Variants in ZNF582 observed in about 807,000 individuals in gnomAD.
ZNF582 encodes zinc finger protein 582.
A neutral mutation model predicts 12.3 loss-of-function variants in ZNF582; 14 were observed. That is an observed-to-expected ratio of 1.14 (90% confidence interval 0.75 to 1.78). The LOEUF is 1.78. Ranked by LOEUF, ZNF582 falls within the 40% of genes most tolerant of loss-of-function variation. The pLI, the probability that ZNF582 is intolerant of heterozygous loss-of-function variation, is 0.00. For missense variants in ZNF582, 567 were observed against 616.5 expected (o/e 0.92, Z 0.85); for synonymous variants, 210 against 207.2 (o/e 1.01, Z -0.11).
chr19:56,386,214 G>A (rs1055847578), intron 4 of ZNF582: 2 of 152,218 alleles, frequency 1.3e-5, no homozygotes, highest in Non-Finnish European at 2.9e-5. Flanking sequence ...GAATGAACCA[G>A]AGGAATATGC....
At chr19:56,390,572 G>A in intron 2 of ZNF582, 71 bp from the exon 3 acceptor site, 1 of 1,566,718 alleles carries the variant, frequency 6.4e-7, no homozygotes, top group Non-Finnish European at 8.7e-7. Context: ...AGATGGGGCA[G>A]GTCTTTGCGG....
chr19:56,392,171 A>G (rs1342591895), intron 1 of ZNF582, among the ~76,000 whole-genome samples: 2 of 152,234 alleles, frequency 1.3e-5, no homozygotes, highest in Non-Finnish European at 2.9e-5. Context: ...GGGAGCATAG[A>G]AGGCCTGCAT....
At chr19:56,384,051 A>T in exon 5 of ZNF582, 1 of 1,611,666 alleles carries the variant, frequency 6.2e-7, no homozygotes, top group Non-Finnish European at 8.5e-7. Context: ...GTCTTCTCAC[A>T]TTCCTTATAT....
At position 56,390,063 on chromosome 19, in the gene ZNF582, AAGG is replaced by A. The variant is rs759853852; in HGVS notation, c.167_169del (p.Ser56del). On this transcript the variant is annotated inframe_deletion, in exon 4 of 5. Coordinates refer to ENST00000586929, the Ensembl canonical transcript of ZNF582. ...CCAGGGCTCTTTGCCTTGCTCTAGG[AAGG>A]AGATCACATCAGGTTTGGAAACGGC... 2.5e-6 allele frequency: 4 copies of A among 1,613,768 alleles called. No homozygotes were observed. In the East Asian group the frequency reaches 8.9e-5, roughly 36 times the overall value.
intron 3 of ZNF582, 92 bp from the exon 4 acceptor site, chr19:56,390,188 G>T: frequency 7.3e-7 from 1 of 1,370,534 alleles, no homozygotes. Flanking sequence ...AGAGGCAGTT[G>T]CAGGAAGTGC....
exon 5 of ZNF582, chr19:56,384,247 A>C (rs1160447855): frequency 1.2e-6 from 2 of 1,613,962 alleles, no homozygotes; most frequent in Non-Finnish European, 1.7e-6. Flanking sequence ...GTTTCTCTCC[A>C]GTGTGAATTC....
chr19:56,393,336 C>T (rs2042034040), exon 1 of ZNF582: 3 of 1,098,036 alleles, frequency 2.7e-6, no homozygotes, highest in Admixed American at 6.0e-5. Context: ...CACAGAGCGA[C>T]GATGAGGCGA....
intron 4 of ZNF582, 103 bp from the exon 5 acceptor site, chr19:56,385,287 G>T (rs1423673760): frequency 8.5e-7 from 1 of 1,180,870 alleles, no homozygotes; most frequent in Non-Finnish European, 1.2e-6. Flanking sequence ...ATTAACTCTT[G>T]AATGTAGCTA....
chr19:56,391,981 A>G, intron 1 of ZNF582, 149 bp from the exon 2 acceptor site: 1 of 642,968 alleles, frequency 1.6e-6, no homozygotes, highest in South Asian at 2.0e-5. Context: ...ACCCCAGGAA[A>G]CCAGCTTTAG....
At chr19:56,393,420 G>A in exon 1 of ZNF582, 1 of 564,286 alleles carries the variant, frequency 1.8e-6, no homozygotes, top group Non-Finnish European at 3.2e-6. Flanking sequence ...CAGAGCGCCT[G>A]GAAAGCTCCG....
At chr19:56,392,585 T>C (rs1299540755) in intron 1 of ZNF582, among the ~76,000 whole-genome samples, 3 of 152,224 alleles carry the variant, frequency 2.0e-5, no homozygotes, top group African/African-American at 7.2e-5. Flanking sequence ...GGCACAGCCA[T>C]ATAATGGGAT....
chr19:56,386,977 T>A (rs756107536), intron 4 of ZNF582, among the ~76,000 whole-genome samples: 1 of 152,280 alleles, frequency 6.6e-6, no homozygotes, highest in Admixed American at 6.5e-5. Context: ...CACCTTTTCA[T>A]ACTTTAAATT....
exon 5 of ZNF582, chr19:56,385,086 A>T (rs746249991): frequency 3.1e-6 from 5 of 1,614,062 alleles, no homozygotes; most frequent in Non-Finnish European, 4.2e-6. Flanking sequence ...TCAAGACCAT[A>T]ACTTGTAAGG....
At chr19:56,391,713 A>G in intron 2 of ZNF582, 31 bp downstream of exon 2, 1 of 1,599,430 alleles carries the variant, frequency 6.3e-7, no homozygotes, top group Non-Finnish European at 8.6e-7. Flanking sequence ...AAGATAAGGA[A>G]AGCAAATATT....
chr19:56,391,927 C>T, intron 1 of ZNF582, 95 bp from the exon 2 acceptor site: 1 of 1,056,248 alleles, frequency 9.5e-7, no homozygotes, highest in Non-Finnish European at 1.4e-6. Context: ...CCTCTGCCCA[C>T]CAAGAAAATG....
At chr19:56,389,433 C>T (rs2041997218) in intron 4 of ZNF582, among the ~76,000 whole-genome samples, 1 of 152,082 alleles carries the variant, frequency 6.6e-6, no homozygotes, top group African/African-American at 2.4e-5. Context: ...GAACGGAAAA[C>T]CAAATACTGC....
chr19:56,384,824 G>A, exon 5 of ZNF582: 5 of 1,602,006 alleles, frequency 3.1e-6, no homozygotes, highest in Non-Finnish European at 4.3e-6. Flanking sequence ...ACATTTATAG[G>A]GTTTCTCATT....
At chr19:56,384,074 T>A (rs781461676) in exon 5 of ZNF582, 3 of 1,611,090 alleles carry the variant, frequency 1.9e-6, no homozygotes, top group Admixed American at 1.7e-5. Flanking sequence ...ATAGGGCTTT[T>A]TCTCAGTGTG....
At chr19:56,391,703 A>C (rs1323691979) in intron 2 of ZNF582, 41 bp downstream of exon 2, 4 of 1,587,788 alleles carry the variant, frequency 2.5e-6, no homozygotes, top group Non-Finnish European at 3.5e-6. Context: ...GGAAAGTTTC[A>C]AGATAAGGAA....
Sources: allele counts gnomAD v4.1 joint callset (sites outside exome capture counted in the v4.1 genomes callset), GRCh38; gene constraint gnomAD v4.1.1; transcripts MANE v1.5; gene names NCBI Gene and HGNC (gene_info 2026-07-23, HGNC 2026-07-21).